The following PCDHA1 variants were observed in gnomAD, a reference collection of about 807,000 sequenced individuals.
PCDHA1 encodes the protein protocadherin alpha 1.
PCDHA1 carries 42 observed loss-of-function variants against 61.3 expected under a neutral mutation model. The ratio of observed to expected loss-of-function variants is 0.69; its 90% CI spans 0.54 to 0.89. The LOEUF is 0.89. Among genes scored for constraint, PCDHA1 ranks in the 40% least tolerant of loss-of-function variants. PCDHA1 has a pLI of 0.00. For synonymous variants in PCDHA1, 610 were observed against 553.8 expected (o/e 1.10, Z -1.43); for missense variants, 1,256 against 1,235.3 (o/e 1.02, Z -0.25).
intron 1 of PCDHA1, chr5:140,863,982 CAG>C (rs1167037323): frequency 6.5e-6 from 1 of 152,978 alleles, no homozygotes; most frequent in Non-Finnish European, 1.5e-5. Context: ...GCCTGGGAGA[CAG>C]GGTGAAACTC....
At chr5:140,928,204 G>A (rs1554205615) in intron 1 of PCDHA1, 4 of 1,614,236 alleles carry the variant, frequency 2.5e-6, no homozygotes, top group Middle Eastern at 1.6e-4. Flanking sequence ...AGTTGCTGAT[G>A]TGAATGACAA....
At chr5:140,850,622 C>G in intron 1 of PCDHA1, 1 of 1,598,590 alleles carries the variant, frequency 6.3e-7, no homozygotes, top group Non-Finnish European at 8.6e-7. Flanking sequence ...CGGTGTCTAG[C>G]CTGTTGGTTC....
At chr5:140,850,239 C>T (rs1275916187) in intron 1 of PCDHA1, 1 of 1,594,010 alleles carries the variant, frequency 6.3e-7, no homozygotes, top group Admixed American at 1.7e-5. Context: ...CGAGATGGTG[C>T]TGCGGTCGGT....
At chr5:140,867,055 T>C (rs1177939308) in intron 1 of PCDHA1, 3 of 152,170 alleles carry the variant, frequency 2.0e-5, no homozygotes, top group African/African-American at 7.2e-5. Flanking sequence ...TGTTCAGTAC[T>C]ACTTTATATA....
At chr5:140,863,093 C>T (rs1204907629) in intron 1 of PCDHA1, 2 of 576,488 alleles carry the variant, frequency 3.5e-6, no homozygotes, top group Middle Eastern at 2.9e-4. Flanking sequence ...ATCAGCACGA[C>T]GAGTACCCTG....
At chr5:140,903,927 G>A (rs1202330297) in intron 1 of PCDHA1, among the ~76,000 whole-genome samples, 1 of 152,158 alleles carries the variant, frequency 6.6e-6, no homozygotes, top group Non-Finnish European at 1.5e-5. Context: ...TGCTGCATTG[G>A]ATAATACCTC....
intron 1 of PCDHA1, chr5:140,851,797 G>A (rs1349130494): frequency 3.1e-6 from 3 of 953,270 alleles, no homozygotes; most frequent in Non-Finnish European, 2.5e-6. Flanking sequence ...CACTTGTTCT[G>A]TCAGTAATCC....
At chr5:140,824,292 T>G in intron 1 of PCDHA1, 1 of 942,046 alleles carries the variant, frequency 1.1e-6, no homozygotes, top group South Asian at 1.6e-5. Context: ...TATGAGGCTT[T>G]TCTGCTGGGG....
intron 1 of PCDHA1, among the ~76,000 whole-genome samples, chr5:140,906,677 A>C (rs1239152358): frequency 6.6e-6 from 1 of 152,134 alleles, no homozygotes; most frequent in Admixed American, 6.5e-5. Context: ...CCAAACCTTC[A>C]TTCCTGAAGG....
At chr5:140,880,369 G>A (rs1055944264) in intron 1 of PCDHA1, among the ~76,000 whole-genome samples, 4 of 152,210 alleles carry the variant, frequency 2.6e-5, no homozygotes, top group African/African-American at 9.7e-5. Context: ...TGAAAACCAT[G>A]AGAGAATAGA....
chr5:140,841,745 G>C, intron 1 of PCDHA1: 1 of 1,613,898 alleles, frequency 6.2e-7, no homozygotes, highest in Non-Finnish European at 8.5e-7. Flanking sequence ...AAAGCTGTTT[G>C]TTTCAGAATC....
chr5:140,828,515 A>G, intron 1 of PCDHA1: 3 of 1,614,156 alleles, frequency 1.9e-6, no homozygotes, highest in Non-Finnish European at 2.5e-6. Context: ...AAGAGTGCTG[A>G]TTTACGAATC....
intron 1 of PCDHA1, among the ~76,000 whole-genome samples, chr5:140,945,918 C>T (rs782600130): frequency 1.2e-4 from 18 of 152,106 alleles, no homozygotes; most frequent in Admixed American, 2.6e-4. Context: ...ATCAATAACA[C>T]TGATCTGAGC....
At chr5:140,959,602 CT>C (rs1554224184) in intron 1 of PCDHA1, among the ~76,000 whole-genome samples, 1 of 152,008 alleles carries the variant, frequency 6.6e-6, no homozygotes, top group Admixed American at 6.6e-5. Flanking sequence ...GTATAACATG[CT>C]TTTCTTGCTT....
chr5:140,815,039 T>A (rs1316508062), intron 1 of PCDHA1: 2 of 152,098 alleles, frequency 1.3e-5, no homozygotes, highest in Admixed American at 6.5e-5. Flanking sequence ...TTGCATGAAA[T>A]TTTTTTAATA....
At chr5:140,880,241 C>A (rs529552139) in intron 1 of PCDHA1, among the ~76,000 whole-genome samples, 1 of 150,190 alleles carries the variant, frequency 6.7e-6, no homozygotes, top group African/African-American at 2.5e-5. Flanking sequence ...AGTGTATGTG[C>A]GTGTGTGTAT....
In PCDHA1 at chr5:140,942,596, A is replaced by T. The variant is rs116159999; in HGVS notation, c.2395-36353A>T. On this transcript the variant is annotated intron_variant, in intron 1 of 3. Coordinates refer to ENST00000504120, the MANE Select transcript of PCDHA1 (RefSeq NM_018900.4). ...CCCATATAGGATGTCACATATAATT[A>T]TAGTGTTTATATTTGCCAATTGTAA... 7.0e-3 allele frequency among the ~76,000 whole-genome samples: 992 copies of T among 142,408 alleles called. 16 individuals carry two copies. Among genetic ancestry groups the T allele is most frequent in the African/African-American group, 0.025 (912 of 36,952 alleles). 93.4% of individuals were successfully genotyped at this position (142,408 alleles called of 152,430 possible).
intron 1 of PCDHA1, chr5:140,856,054 T>G: frequency 6.3e-7 from 1 of 1,586,304 alleles, no homozygotes; most frequent in Non-Finnish European, 8.6e-7. Flanking sequence ...ATAAGATGGT[T>G]TCCAGATGTA....
intron 1 of PCDHA1, among the ~76,000 whole-genome samples, chr5:140,892,640 T>C (rs1250881102): frequency 2.0e-5 from 3 of 152,208 alleles, no homozygotes; most frequent in Non-Finnish European, 4.4e-5. Flanking sequence ...ATTGTACATA[T>C]TTATAGGATA....
Sources: gnomAD v4.1 joint callset for allele counts (sites outside exome capture counted in the v4.1 genomes callset) on GRCh38, gnomAD v4.1.1 for gene constraint, MANE v1.5 for transcripts, NCBI Gene and HGNC (gene_info 2026-07-23, HGNC 2026-07-21) for gene names.